The following TLR3 variants were observed in gnomAD, a reference collection of about 807,000 sequenced individuals.
TLR3 encodes toll like receptor 3.
A neutral mutation model predicts 66.4 loss-of-function variants in TLR3; 43 were observed. That is an observed-to-expected ratio of 0.65 (90% confidence interval 0.51 to 0.83). TLR3 has a LOEUF of 0.83. TLR3 is among the 40% of genes least tolerant of loss of function. The pLI, the probability that TLR3 is intolerant of heterozygous loss-of-function variation, is 0.00. For synonymous variants in TLR3, 397 were observed against 397.2 expected, an observed-to-expected ratio of 1.00 and a Z score of 0.01; for missense variants, 982 against 1,044.6, an observed-to-expected ratio of 0.94 and a Z score of 0.83.
Position 186,083,330 on chromosome 4 carries a change from C to G in TLR3, c.1644C>G (p.His548Gln). 1.2e-6 allele frequency: 2 copies of G among 1,614,166 alleles called. No homozygotes were observed. The highest frequency in any genetic ancestry group is 2.2e-5 in the East Asian group (1 of 44,882). The change falls in exon 4 of 5, where the codon CAC becomes CAG. Residue 548 changes from histidine (H) to glutamine (Q), a missense_variant. His to Gln is a conservative substitution (Grantham distance 24). This residue lies in a region of TLR3 where 666 missense variants were observed against 709.0 expected (regional missense o/e 0.94). Transcript: ENST00000296795. This position sits in a 1 kb window ranked among gnomAD's most constrained non-coding sequence, Gnocchi z 4.0. ...ACAACTTAGCACGGCTCTGGAAACA[C>G]GCAAACCCTGGTGGTCCCATTTATT... ...QHNNLARLWK[H>Q]ANPGGPIYFL... is the part of the protein sequence containing the mutation.
intron 1 of TLR3, among the ~76,000 whole-genome samples, chr4:186,072,604 C>A (rs115279812): frequency 6.6e-6 from 1 of 152,174 alleles, no homozygotes; most frequent in Non-Finnish European, 1.5e-5. Context: ...GCCACTGCGC[C>A]CAACCACCAC....
intron 1 of TLR3, among the ~76,000 whole-genome samples, chr4:186,069,684 G>A (rs1451987174): frequency 6.6e-6 from 1 of 152,152 alleles, no homozygotes; most frequent in Non-Finnish European, 1.5e-5. Flanking sequence ...ACAGGAGCTG[G>A]CATTGTATGA....
chr4:186,079,380 A>C (rs2099303031), intron 3 of TLR3, among the ~76,000 whole-genome samples: 2 of 152,244 alleles, frequency 1.3e-5, no homozygotes, highest in African/African-American at 4.8e-5. Context: ...ACGATGGTCA[A>C]GAGCCCCAGG....
At chr4:186,073,702 G>A (rs6552950) in intron 1 of TLR3, among the ~76,000 whole-genome samples, 118,869 of 151,986 alleles carry the variant, frequency 0.78, 46,673 homozygotes, top group African/African-American at 0.85. Context: ...TTTCTTAGAG[G>A]AGACACAGAA....
In TLR3 at chr4:186,083,673, G is replaced by A. The variant is rs1005040113; in HGVS notation, c.1987G>A (p.Glu663Lys). ...TGCCTGGTTTGTTAATTGGATTAAC[G>A]AGACCCATACCAACATCCCTGAGCT... ...SIAWFVNWINETHTNIPELSS... is the reference protein window; with the variant it reads ...SIAWFVNWINKTHTNIPELSS... The change falls in exon 4 of 5, where the codon GAG becomes AAG. Residue 663 changes from glutamate to lysine, a missense_variant. Glu to Lys is a moderately conservative substitution (Grantham distance 56). This residue lies in a region of TLR3 where 666 missense variants were observed against 709.0 expected (regional missense o/e 0.94). Coordinates refer to ENST00000296795, the MANE Select transcript of TLR3 (RefSeq NM_003265.3). The surrounding 1 kb of genome is among the most constrained non-coding windows in gnomAD (Gnocchi z 4.0). 1.6e-5 allele frequency: 25 copies of A among 1,598,214 alleles called. No individual in the cohort carries two copies. In the Middle Eastern group the frequency reaches 5.0e-4, roughly 32 times the overall value.
chr4:186,086,462 G>A lies in TLR3; in HGVS notation c.*1589G>A, dbSNP rs2099304379. The A allele has an allele frequency of 6.6e-6, 1 of 152,208 alleles. No homozygotes were observed. The highest frequency in any genetic ancestry group is 1.5e-5 in the Non-Finnish European group (1 of 68,040). 9.4% of individuals were successfully genotyped at this position (152,208 alleles called of 1,614,324 possible). A position where few individuals can be genotyped will look rare whatever the true frequency, so the allele number is the denominator to read the frequency against. ...TATCCACTGTACCTCTGGTTCTGAAGAGTCTATAGTCGGCCAACACTGTGA... is the reference window on the plus strand; with the variant it reads ...TATCCACTGTACCTCTGGTTCTGAAAAGTCTATAGTCGGCCAACACTGTGA... On this transcript the variant is annotated 3_prime_UTR_variant, in exon 5 of 5. Transcript: ENST00000296795.
chr4:186,082,964 T>C lies in TLR3; in HGVS notation c.1278T>C (p.Ala426=). 1 of 1,614,194 alleles carries C rather than the reference T, an allele frequency of 6.2e-7. No individual in the cohort carries two copies. Among genetic ancestry groups the C allele is most frequent in the Non-Finnish European group, 8.5e-7 (1 of 1,180,036 alleles). The change falls in exon 4 of 5, where the codon GCT becomes GCC. Residue 426 remains alanine, a synonymous_variant. Coordinates refer to ENST00000296795, the MANE Select transcript of TLR3 (RefSeq NM_003265.3). ...KNKISKIESD[A]FSWLGHLEVL... ...AAATCTCAAAAATAGAGAGTGATGC[T>C]TTCTCTTGGTTGGGCCACCTAGAAG...
In TLR3 at chr4:186,083,231, C is replaced by T. The variant is rs757180314; in HGVS notation, c.1545C>T (p.Asn515=). 9 of 1,614,168 alleles carry T rather than the reference C, an allele frequency of 5.6e-6. No individual in the cohort carries two copies. The highest frequency in any genetic ancestry group is 2.2e-5 in the South Asian group (2 of 91,076). The change falls in exon 4 of 5, where the codon AAC becomes AAT. Residue 515 remains asparagine (N), a synonymous_variant. Transcript: ENST00000296795. This position sits in a 1 kb window ranked among gnomAD's most constrained non-coding sequence, Gnocchi z 4.0. ...LRNLTILDLS[N]NNIANINDDM... ...ACTTGACCATTCTGGATCTAAGCAACAACAACATAGCCAACATAAATGATG... is the reference window on the plus strand; with the variant it reads ...ACTTGACCATTCTGGATCTAAGCAATAACAACATAGCCAACATAAATGATG...
intron 1 of TLR3, among the ~76,000 whole-genome samples, chr4:186,075,951 C>G (rs374409220): frequency 6.6e-6 from 1 of 152,108 alleles, no homozygotes. Flanking sequence ...GTCAAGAGAT[C>G]GAGACCATCC....
chr4:186,083,173 A>G lies in TLR3; in HGVS notation c.1487A>G (p.Asp496Gly), dbSNP rs201792200. The change falls in exon 4 of 5, where the codon GAT (aspartate) becomes GGT (glycine). Residue 496 changes from aspartate to glycine, a missense_variant. Coordinates refer to ENST00000296795, the MANE Select transcript of TLR3 (RefSeq NM_003265.3). The surrounding 1 kb of genome is among the most constrained non-coding windows in gnomAD (Gnocchi z 4.0). ...CGAAGGGTGGCCCTTAAAAATGTGG[A>G]TAGCTCTCCTTCACCATTCCAGCCT... ...MLRRVALKNV[D>G]SSPSPFQPLR... The G allele has an allele frequency of 6.2e-7, 1 of 1,614,072 alleles. No individual in the cohort carries two copies. The highest frequency in any genetic ancestry group is 1.3e-5 in the African/African-American group (1 of 74,934).
At chr4:186,079,240 G>A (rs1286580948) in intron 3 of TLR3, among the ~76,000 whole-genome samples, 1 of 152,158 alleles carries the variant, frequency 6.6e-6, no homozygotes. Context: ...CCGCCCTGCA[G>A]CACTGGGTGG....
chr4:186,080,069 G>A (rs1036151929), intron 3 of TLR3, among the ~76,000 whole-genome samples: 1 of 152,042 alleles, frequency 6.6e-6, no homozygotes, highest in Non-Finnish European at 1.5e-5. Context: ...TCTCGGTCCC[G>A]CCAACTGACT....
chr4:186,083,778 G>A lies in TLR3; in HGVS notation c.2092G>A (p.Asp698Asn). The part of the protein sequence containing the change: ...VRLFDTSSCK[D>N]SAPFELFFMI... ...ACTTTTTGATACATCATCTTGCAAA[G>A]ACAGTGCCCCCTTTGAACTCTTTTT... Residue 698 changes from aspartate (D) to asparagine (N), a missense_variant, in exon 4 of 5, where the codon GAC (aspartate) becomes AAC (asparagine). By Grantham distance (23) the Asp-to-Asn change is conservative. Coordinates refer to ENST00000296795, the MANE Select transcript of TLR3 (RefSeq NM_003265.3). The surrounding 1 kb of genome is among the most constrained non-coding windows in gnomAD (Gnocchi z 4.0). 4 of 1,614,036 alleles carry A rather than the reference G, an allele frequency of 2.5e-6. No homozygotes were observed. The highest frequency in any genetic ancestry group is 2.5e-6 in the Non-Finnish European group (3 of 1,180,010).
intron 1 of TLR3, among the ~76,000 whole-genome samples, chr4:186,070,221 CTTGT>C (rs2099301203): frequency 6.6e-6 from 1 of 152,024 alleles, no homozygotes; most frequent in East Asian, 1.9e-4. Context: ...TGCATTTTTG[CTTGT>C]TTTACTGAAG....
rs760500751 is a variant in TLR3, at chr4:186,083,711, C to T, written c.2025C>T (p.Tyr675=). ...ACATCCCTGAGCTGTCAAGCCACTACCTTTGCAACACTCCACCTCACTATC... is the reference window on the plus strand; with the variant it reads ...ACATCCCTGAGCTGTCAAGCCACTATCTTTGCAACACTCCACCTCACTATC... ...HTNIPELSSH[Y]LCNTPPHYHG... The change falls in exon 4 of 5, where the codon TAC becomes TAT. Residue 675 remains tyrosine (Y), a synonymous_variant. Transcript: ENST00000296795. This position sits in a 1 kb window ranked among gnomAD's most constrained non-coding sequence, Gnocchi z 4.0. The T allele has an allele frequency of 6.2e-7, 1 of 1,607,358 alleles. No individual in the cohort carries two copies. The highest frequency in any genetic ancestry group is 8.5e-7 in the Non-Finnish European group (1 of 1,176,570).
At position 186,083,895 on chromosome 4, in the gene TLR3, T is replaced by A. The variant is rs5743318; in HGVS notation, c.2209T>A (p.Ser737Thr). ...GWRISFYWNV[S>T]VHRVLGFKEI... ...GAGGATATCTTTTTATTGGAATGTT[T>A]CAGTACATCGAGTTCTTGGTTTCAA... The change falls in exon 4 of 5, where the codon TCA (serine) becomes ACA (threonine). Residue 737 changes from serine (S) to threonine (T), a missense_variant. By Grantham distance (58) the Ser-to-Thr change is moderately conservative (BLOSUM62 1). Coordinates refer to ENST00000296795, the MANE Select transcript of TLR3 (RefSeq NM_003265.3). This position sits in a 1 kb window ranked among gnomAD's most constrained non-coding sequence, Gnocchi z 4.0. 2,941 of 1,614,230 alleles carry A rather than the reference T, an allele frequency of 1.8e-3. 45 individuals are homozygous for A. In the African/African-American group the frequency reaches 0.035, roughly 19 times the overall value.
chr4:186,069,492 T>C (rs1371922896), intron 1 of TLR3, among the ~76,000 whole-genome samples: 2 of 152,218 alleles, frequency 1.3e-5, no homozygotes, highest in Non-Finnish European at 2.9e-5. Flanking sequence ...ATAATGTATT[T>C]ATGCAGTATT....
At chr4:186,075,719 C>G (rs2099302331) in intron 1 of TLR3, among the ~76,000 whole-genome samples, 1 of 151,930 alleles carries the variant, frequency 6.6e-6, no homozygotes, top group African/African-American at 2.4e-5. Context: ...AGGCCAAGGA[C>G]CTCATATGTA....
chr4:186,070,133 A>AT (rs904671906), intron 1 of TLR3, among the ~76,000 whole-genome samples: 3 of 151,764 alleles, frequency 2.0e-5, no homozygotes, highest in Non-Finnish European at 4.4e-5. Flanking sequence ...TCTCTTTTTA[A>AT]TTTTTTTTCA....
Sources: allele counts gnomAD v4.1 joint callset (sites outside exome capture counted in the v4.1 genomes callset), GRCh38; gene constraint gnomAD v4.1.1; regional missense constraint gnomAD v4.1.1; non-coding constraint Gnocchi (gnomAD v3.1); transcripts MANE v1.5; gene names NCBI Gene and HGNC (gene_info 2026-07-23, HGNC 2026-07-21).